TRPV2: variants seen among roughly 807,000 people sequenced by gnomAD.
TRPV2 encodes OTRPC2.
In TRPV2, 58 loss-of-function variants were observed where a neutral mutation model predicts 91.0. The observed-to-expected ratio is 0.64, with a 90% CI of 0.52 to 0.79. The LOEUF is 0.79. Among genes scored for constraint, TRPV2 ranks in the 30% least tolerant of loss-of-function variants. The pLI is 0.00. For missense variants in TRPV2, 807 were observed against 969.6 expected (o/e 0.83, Z 2.23); for synonymous variants, 417 against 414.8 (o/e 1.01, Z -0.06).
At chr17:16,434,385 A>G (rs372440907) in intron 13 of TRPV2, among the ~76,000 whole-genome samples, 108 of 150,390 alleles carry the variant, frequency 7.2e-4, no homozygotes, top group South Asian at 1.9e-3. Context: ...GGAGAATGGC[A>G]TGAACCTGGG....
At chr17:16,424,925 A>G (rs1345790940) in intron 5 of TRPV2, among the ~76,000 whole-genome samples, 1 of 147,992 alleles carries the variant, frequency 6.8e-6, no homozygotes, top group East Asian at 1.9e-4. Context: ...TACATAATAT[A>G]TGTTATAACT....
At chr17:16,433,743 C>G (rs2093423629) in intron 13 of TRPV2, 45 bp downstream of exon 13, 1 of 1,603,782 alleles carries the variant, frequency 6.2e-7, no homozygotes. Flanking sequence ...TGCTGTCCAG[C>G]AATCCCTGGG....
At chr17:16,424,576 G>A (rs1183319568) in intron 5 of TRPV2, among the ~76,000 whole-genome samples, 2 of 152,212 alleles carry the variant, frequency 1.3e-5, no homozygotes, top group African/African-American at 4.8e-5. Context: ...GATTACAGGT[G>A]TGAGCCATGG....
rs535233611 is a variant in TRPV2 at position 16,433,907 on chromosome 17, A to T, written c.2114+209A>T. On this transcript the variant is annotated intron_variant, in intron 13 of 14. Coordinates refer to ENST00000338560, the MANE Select transcript of TRPV2 (RefSeq NM_016113.5). ...ACATGACTGGCCATCTGCCTGTCCCAGTGGCTTAAACTGAAGGTCCCCTCC... is the reference window on the plus strand; with the variant it reads ...ACATGACTGGCCATCTGCCTGTCCCTGTGGCTTAAACTGAAGGTCCCCTCC... Among the ~76,000 whole-genome samples, 11 of 152,374 alleles carry T rather than the reference A, an allele frequency of 7.2e-5. No homozygotes were observed. The South Asian group carries it at 2.3e-3, about 32-fold the overall frequency.
At chr17:16,423,889 C>T (rs2093370278) in intron 5 of TRPV2, 122 bp downstream of exon 5, 2 of 953,792 alleles carry the variant, frequency 2.1e-6, no homozygotes, top group Non-Finnish European at 3.0e-6. Context: ...TTCAATGGAA[C>T]ACTCCTGTTA....
Position 16,431,779 on chromosome 17 carries a change from T to C in TRPV2, c.1588-5T>C, listed in dbSNP as rs760859687. On this transcript the variant is annotated splice_region_variant and splice_polypyrimidine_tract_variant and intron_variant, in intron 10 of 14. Coordinates refer to ENST00000338560, the MANE Select transcript of TRPV2 (RefSeq NM_016113.5). ...CACCCTGGCCCCTGGGCACATGTGT[T>C]CCAGGTCATCCTGCGGGACCTGCTG... 1 of 1,614,078 alleles carries C rather than the reference T, an allele frequency of 6.2e-7. No individual in the cohort carries two copies. Among genetic ancestry groups the C allele is most frequent in the Non-Finnish European group, 8.5e-7 (1 of 1,179,970 alleles).
intron 10 of TRPV2, among the ~76,000 whole-genome samples, chr17:16,429,331 G>A (rs574713013): frequency 6.6e-6 from 1 of 152,350 alleles, no homozygotes; most frequent in South Asian, 2.1e-4. Flanking sequence ...TGTATTCAGC[G>A]CATGTTTAGG....
rs1023478072 is a variant in TRPV2 at position 16,426,930 on chromosome 17, A to G, written c.1251+53A>G. ...ATCTTGGGGGAGGCCTGCTTGAAAC[A>G]ACCCTGGGGGAAGATGGGGCAGTAA... On this transcript the variant is annotated intron_variant, in intron 7 of 14. Coordinates refer to ENST00000338560, the MANE Select transcript of TRPV2 (RefSeq NM_016113.5). The surrounding 1 kb of genome is among the most constrained non-coding windows in gnomAD (Gnocchi z 6.0). 7 of 1,578,412 alleles carry G rather than the reference A, an allele frequency of 4.4e-6. No individual in the cohort carries two copies. Among genetic ancestry groups the G allele is most frequent in the Non-Finnish European group, 6.0e-6 (7 of 1,162,956 alleles).
intron 10 of TRPV2, among the ~76,000 whole-genome samples, chr17:16,430,796 T>G (rs1343909818): frequency 1.3e-5 from 2 of 152,196 alleles, no homozygotes; most frequent in Admixed American, 6.5e-5. Flanking sequence ...AATTCCTTCC[T>G]TTGTAAGGCT....
In TRPV2 at chr17:16,417,804, G is replaced by A. The variant is rs148496686; in HGVS notation, c.136G>A (p.Glu46Lys). Residue 46 changes from glutamate to lysine, a missense_variant, in exon 2 of 15, where the codon GAG (glutamate) becomes AAG (lysine). Coordinates refer to ENST00000338560, the MANE Select transcript of TRPV2 (RefSeq NM_016113.5). ...TCCCATGGAGTCACAGTTCCAGGGC[G>A]AGGACCGGAAATTCGCCCCTCAGAT... Reference protein sequence around the residue: ...LPPMESQFQGEDRKFAPQIRV... With the variant: ...LPPMESQFQGKDRKFAPQIRV... 2.0e-5 allele frequency: 33 copies of A among 1,614,084 alleles called. No individual in the cohort carries two copies. The highest frequency in any genetic ancestry group is 3.3e-5 in the Admixed American group (2 of 60,004).
rs201198733 is a variant in TRPV2 at position 16,417,654 on chromosome 17, C to G, written c.-15C>G. The G allele has an allele frequency of 6.8e-6, 11 of 1,613,104 alleles. No individual in the cohort carries two copies. Among genetic ancestry groups the G allele is most frequent in the Non-Finnish European group, 7.6e-6 (9 of 1,179,406 alleles). On this transcript the variant is annotated 5_prime_UTR_variant, in exon 2 of 15. Coordinates refer to ENST00000338560, the MANE Select transcript of TRPV2 (RefSeq NM_016113.5). ...CAGAGGTCCTGGCTGGACCGAGCAG[C>G]CTCCTCCTCCTAGGATGACCTCACC...
At chr17:16,422,576 CT>C (rs2093363186) in intron 3 of TRPV2, 22 bp from the exon 4 acceptor site, 2 of 1,603,824 alleles carry the variant, frequency 1.2e-6, no homozygotes, top group Admixed American at 3.4e-5. Flanking sequence ...CACTGTGCCC[CT>C]TCCCCTCCCT....
Position 16,426,364 on chromosome 17 carries a change from C to A in TRPV2, c.1095+95C>A. On this transcript the variant is annotated intron_variant, in intron 6 of 14. Transcript: ENST00000338560. This position sits in a 1 kb window ranked among gnomAD's most constrained non-coding sequence, Gnocchi z 6.0. ...GCTGCCTGCTGGACCATATCTGCCC[C>A]ATTCCTGTGCCAGTGGGGGTGTGGC... The A allele has an allele frequency of 6.9e-7, 1 of 1,446,972 alleles. No individual in the cohort carries two copies. The highest frequency in any genetic ancestry group is 9.3e-7 in the Non-Finnish European group (1 of 1,069,598). The allele number at this position is 1,446,972 out of a possible 1,614,324, so 89.6% of individuals were successfully genotyped here. A position where few individuals can be genotyped will look rare whatever the true frequency, so the allele number is the denominator to read the frequency against.
rs770294434 is a variant in TRPV2 at position 16,433,718 on chromosome 17, G to A, written c.2114+20G>A. Reference sequence around the variant, plus strand: ...CTTCAGGTGAGTGAGTGGTGGGAGGGTCTCCTGGGGGCCTTGCTGTCCAGC... The same window carrying A: ...CTTCAGGTGAGTGAGTGGTGGGAGGATCTCCTGGGGGCCTTGCTGTCCAGC... On this transcript the variant is annotated intron_variant, in intron 13 of 14. Coordinates refer to ENST00000338560, the MANE Select transcript of TRPV2 (RefSeq NM_016113.5). 3.1e-6 allele frequency: 5 copies of A among 1,611,916 alleles called. No individual in the cohort carries two copies. Among genetic ancestry groups the A allele is most frequent in the Non-Finnish European group, 4.2e-6 (5 of 1,179,450 alleles).
In TRPV2 at chr17:16,433,692, G is replaced by T. The variant is rs778612741; in HGVS notation, c.2108G>T (p.Cys703Phe). ...KPDGSPDERWCFRVEEVNWAS... is the reference protein window; with the variant it reads ...KPDGSPDERWFFRVEEVNWAS... ...GATGGCAGCCCCGATGAGCGCTGGT[G>T]CTTCAGGTGAGTGAGTGGTGGGAGG... Residue 703 changes from cysteine to phenylalanine, a missense_variant, in exon 13 of 15, where the codon TGC becomes TTC. By Grantham distance (205) the Cys-to-Phe change is radical. Coordinates refer to ENST00000338560, the MANE Select transcript of TRPV2 (RefSeq NM_016113.5). The T allele has an allele frequency of 6.2e-7, 1 of 1,613,778 alleles. No homozygotes were observed. The highest frequency in any genetic ancestry group is 8.5e-7 in the Non-Finnish European group (1 of 1,179,950).
rs1167449708 is a variant in TRPV2 at position 16,431,291 on chromosome 17, AT to A, written c.1588-473del. Among the ~76,000 whole-genome samples, 313 of 67,338 alleles carry A rather than the reference AT, an allele frequency of 4.6e-3. 2 individuals carry two copies. Among genetic ancestry groups the A allele is most frequent in the African/African-American group, 0.015 (238 of 15,622 alleles). The allele number at this position is 67,338 out of a possible 152,430, so 44.2% of individuals were successfully genotyped here. On this transcript the variant is annotated intron_variant, in intron 10 of 14. Transcript: ENST00000338560. The stretch of plus-strand genomic sequence containing the variant: ...TATATATATATATATATATATACAT[AT>A]TTTTTTTTTTTTTTTTTTTGAGACG...
Position 16,426,613 on chromosome 17 carries a change from C to G in TRPV2, c.1096-109C>G, listed in dbSNP as rs1420545598. Reference sequence around the variant, plus strand: ...GGCTCCTGGGGTGTGGAAGCCTGCTCCCTGTCCTCTCTCCTCATTTCCTGG... The same window carrying G: ...GGCTCCTGGGGTGTGGAAGCCTGCTGCCTGTCCTCTCTCCTCATTTCCTGG... On this transcript the variant is annotated intron_variant, in intron 6 of 14. Transcript: ENST00000338560. This position sits in a 1 kb window ranked among gnomAD's most constrained non-coding sequence, Gnocchi z 6.0. 6.7e-6 allele frequency: 9 copies of G among 1,349,194 alleles called. No individual in the cohort carries two copies. Among genetic ancestry groups the G allele is most frequent in the Non-Finnish European group, 9.1e-6 (9 of 993,768 alleles). 83.6% of individuals were successfully genotyped at this position (1,349,194 alleles called of 1,614,324 possible). A position where few individuals can be genotyped will look rare whatever the true frequency, so the allele number is the denominator to read the frequency against.
At position 16,426,882 on chromosome 17, in the gene TRPV2, G is replaced by A; in HGVS notation, c.1251+5G>A. The A allele has an allele frequency of 6.2e-7, 1 of 1,611,728 alleles. No individual in the cohort carries two copies. Among genetic ancestry groups the A allele is most frequent in the Non-Finnish European group, 8.5e-7 (1 of 1,179,014 alleles). ...CATCAGCCTACCCTGAAGAAGGCAA[G>A]GGCGTGAGGTTTGGGGGGGCACATC... On this transcript the variant is annotated splice_donor_5th_base_variant and intron_variant, in intron 7 of 14. Coordinates refer to ENST00000338560, the MANE Select transcript of TRPV2 (RefSeq NM_016113.5). The surrounding 1 kb of genome is among the most constrained non-coding windows in gnomAD (Gnocchi z 6.0).
At chr17:16,416,231 A>T (rs1015326484) in intron 1 of TRPV2, 4 of 152,590 alleles carry the variant, frequency 2.6e-5, no homozygotes, top group African/African-American at 9.7e-5. Context: ...CCCACCTCCC[A>T]TGTTTCCATG....
Sources: allele counts gnomAD v4.1 joint callset (sites outside exome capture counted in the v4.1 genomes callset), GRCh38; gene constraint gnomAD v4.1.1; non-coding constraint Gnocchi (gnomAD v3.1); transcripts MANE v1.5; gene names NCBI Gene and HGNC (gene_info 2026-07-23, HGNC 2026-07-21).